Variants in PREX2 observed in about 807,000 individuals in gnomAD.
PREX2 encodes the protein phosphatidylinositol 3,4,5-trisphosphate-dependent Rac exchanger 2 protein.
PREX2 carries 107 observed loss-of-function variants against 203.2 expected under a neutral mutation model. The observed-to-expected ratio is 0.53, with a 90% CI of 0.45 to 0.62. The LOEUF is 0.62. PREX2 is among the 20% of genes least tolerant of loss of function. The pLI is 0.00. For synonymous variants in PREX2, 672 were observed against 663.6 expected (o/e 1.01, Z -0.19); for missense variants, 1,777 against 1,955.9 (o/e 0.91, Z 1.72).
chr8:68,107,409 A>C (rs1200279916), intron 23 of PREX2, among the ~76,000 whole-genome samples: 1 of 152,102 alleles, frequency 6.6e-6, no homozygotes, highest in Non-Finnish European at 1.5e-5. Flanking sequence ...CGAGGAGTAG[A>C]TGCATTTGAA....
At chr8:68,028,933 C>T (rs1226425094) in intron 5 of PREX2, among the ~76,000 whole-genome samples, 1 of 151,964 alleles carries the variant, frequency 6.6e-6, no homozygotes, top group Non-Finnish European at 1.5e-5. Context: ...TTTAGAGCCC[C>T]TTCAAGCAGT....
rs148051204 is a variant in PREX2, at chr8:68,042,352, G to A, written c.840-2135G>A. Among the ~76,000 whole-genome samples the A allele has an allele frequency of 3.2e-3, 490 of 151,926 alleles. 4 individuals are homozygous for A. Among genetic ancestry groups the A allele is most frequent in the African/African-American group, 0.011 (475 of 41,390 alleles). ...AAAGTTATGATGTAGTATTTGATAC[G>A]TATAACATGATATTGCTTAGTTTGG... On this transcript the variant is annotated intron_variant, in intron 7 of 39. Coordinates refer to ENST00000288368, the MANE Select transcript of PREX2 (RefSeq NM_024870.4).
rs1813264559 is a variant in PREX2, at chr8:68,236,373, T to C, written c.*4995T>C. On this transcript the variant is annotated 3_prime_UTR_variant, in exon 40 of 40. Coordinates refer to ENST00000288368, the MANE Select transcript of PREX2 (RefSeq NM_024870.4). ...GAAAAATGTTTTTGAGAATTCACTT[T>C]GTGCAAGGCACAGCTGTTGGGGCTG... 6.6e-6 allele frequency: 1 copy of C among 152,222 alleles called. No homozygotes were observed. Among genetic ancestry groups the C allele is most frequent in the Admixed American group, 6.5e-5 (1 of 15,274 alleles). 9.4% of individuals were successfully genotyped at this position (152,222 alleles called of 1,614,324 possible).
In PREX2 at chr8:67,962,743, A is replaced by T. The variant is rs895006940; in HGVS notation, c.141+10208A>T. 2.0e-5 allele frequency among the ~76,000 whole-genome samples: 3 copies of T among 151,440 alleles called. No individual in the cohort carries two copies. The East Asian group carries it at 5.8e-4, about 29-fold the overall frequency. On this transcript the variant is annotated intron_variant, in intron 1 of 39. Coordinates refer to ENST00000288368, the MANE Select transcript of PREX2 (RefSeq NM_024870.4). ...TGCCTCTGTCTCCCAAATAGCTGGGATTACAGGCACCTGCCACCACGCCTG... is the reference window on the plus strand; with the variant it reads ...TGCCTCTGTCTCCCAAATAGCTGGGTTTACAGGCACCTGCCACCACGCCTG...
chr8:68,104,738 G>A (rs574957312), intron 23 of PREX2, among the ~76,000 whole-genome samples: 3 of 152,264 alleles, frequency 2.0e-5, no homozygotes, highest in South Asian at 4.1e-4. Flanking sequence ...AGGAATCTTT[G>A]TTTTGTTTAC....
At chr8:68,095,618 C>CTTCCT (rs1332919064) in intron 21 of PREX2, among the ~76,000 whole-genome samples, 1 of 141,412 alleles carries the variant, frequency 7.1e-6, no homozygotes, top group Admixed American at 7.3e-5. Flanking sequence ...TCTTTCTTCC[C>CTTCCT]TTCCTTTCCT....
chr8:68,212,949 T>C (rs1171374347), intron 37 of PREX2, among the ~76,000 whole-genome samples: 1 of 152,170 alleles, frequency 6.6e-6, no homozygotes, highest in Non-Finnish European at 1.5e-5. Flanking sequence ...AGTTCCAACC[T>C]TTTTGTCCTC....
At chr8:68,227,346 G>T (rs1375709137) in intron 39 of PREX2, among the ~76,000 whole-genome samples, 1 of 152,148 alleles carries the variant, frequency 6.6e-6, no homozygotes, top group Non-Finnish European at 1.5e-5. Context: ...CAAATCTTTG[G>T]CTTGGATAAT....
intron 7 of PREX2, among the ~76,000 whole-genome samples, chr8:68,044,094 T>G (rs980307684): frequency 6.6e-6 from 1 of 152,028 alleles, no homozygotes; most frequent in Non-Finnish European, 1.5e-5. Context: ...AACTGGAAAT[T>G]ACCAGTTAGT....
intron 1 of PREX2, among the ~76,000 whole-genome samples, chr8:67,956,819 G>A (rs1349308665): frequency 6.6e-6 from 1 of 152,240 alleles, no homozygotes; most frequent in Non-Finnish European, 1.5e-5. Flanking sequence ...ATGACTTCAA[G>A]CTATGTGTCT....
rs561432995 is a variant in PREX2 at position 67,959,266 on chromosome 8, G to A, written c.141+6731G>A. The stretch of plus-strand genomic sequence containing the variant: ...ACTTGAGGGAAGTGGGGTGTGTGAA[G>A]ACTGAAGAGGTCGCTGGATCTGGCA... On this transcript the variant is annotated intron_variant, in intron 1 of 39. Coordinates refer to ENST00000288368, the MANE Select transcript of PREX2 (RefSeq NM_024870.4). Among the ~76,000 whole-genome samples the A allele has an allele frequency of 3.9e-5, 6 of 152,280 alleles. No homozygotes were observed. In the South Asian group the frequency reaches 6.2e-4, roughly 16 times the overall value.
intron 30 of PREX2, among the ~76,000 whole-genome samples, chr8:68,123,859 C>A (rs1391444941): frequency 6.6e-6 from 1 of 151,998 alleles, no homozygotes; most frequent in Non-Finnish European, 1.5e-5. Flanking sequence ...GGTACAGTTT[C>A]TATCAAAACT....
intron 33 of PREX2, among the ~76,000 whole-genome samples, chr8:68,144,804 A>G (rs949292639): frequency 6.6e-6 from 1 of 152,112 alleles, no homozygotes; most frequent in Non-Finnish European, 1.5e-5. Context: ...TTAAATTAAT[A>G]TACTTTATAA....
chr8:68,203,792 C>T (rs903320190), intron 37 of PREX2, among the ~76,000 whole-genome samples: 2 of 152,106 alleles, frequency 1.3e-5, no homozygotes, highest in African/African-American at 4.8e-5. Flanking sequence ...GTGTCAAATG[C>T]ACAAAGTTCT....
Position 68,157,415 on chromosome 8 carries a change from A to G in PREX2, c.4325A>G (p.Lys1442Arg), listed in dbSNP as rs749994460. ...AATGCAGCCTCACTGGAAAAGGTCA[A>G]ACAGTACAACCAGAAGCTCAGGTAT... ...QINAASLEKVKQYNQKLRAFY... is the reference protein window; with the variant it reads ...QINAASLEKVRQYNQKLRAFY... The change falls in exon 35 of 40, where the codon AAA (lysine) becomes AGA (arginine). Residue 1442 changes from lysine (K) to arginine (R), a missense_variant. Lys to Arg is a conservative substitution (Grantham distance 26, BLOSUM62 2). Coordinates refer to ENST00000288368, the MANE Select transcript of PREX2 (RefSeq NM_024870.4). The G allele has an allele frequency of 8.7e-6, 14 of 1,607,476 alleles. No individual in the cohort carries two copies. The highest frequency in any genetic ancestry group is 2.2e-5 in the South Asian group (2 of 90,876).
chr8:68,077,811 T>C (rs1371141941), intron 15 of PREX2, among the ~76,000 whole-genome samples: 5 of 152,236 alleles, frequency 3.3e-5, no homozygotes, highest in African/African-American at 7.2e-5. Flanking sequence ...ATTAGACTTA[T>C]GGTTTTATTT....
intron 34 of PREX2, among the ~76,000 whole-genome samples, chr8:68,152,335 G>C (rs537580320): frequency 1.4e-5 from 2 of 145,394 alleles, no homozygotes. Context: ...TTTTCCATTT[G>C]GGTTTTACAC....
chr8:68,217,662 A>G lies in PREX2; in HGVS notation c.4651A>G (p.Ser1551Gly). The change falls in exon 38 of 40, where the codon AGC becomes GGC. Residue 1551 changes from serine (S) to glycine (G), a missense_variant. Physicochemically the swap from Ser to Gly is moderately conservative, Grantham distance 56. Coordinates refer to ENST00000288368, the MANE Select transcript of PREX2 (RefSeq NM_024870.4). Reference sequence around the variant, plus strand: ...GGAGCAAGCCATCATTCTGGCCAGAAGCCACGGACTGCCACCTCGTTACAT... The same window carrying G: ...GGAGCAAGCCATCATTCTGGCCAGAGGCCACGGACTGCCACCTCGTTACAT... ...TLEQAIILARSHGLPPRYIMQ... is the reference protein window; with the variant it reads ...TLEQAIILARGHGLPPRYIMQ... 6.2e-7 allele frequency: 1 copy of G among 1,614,160 alleles called. No individual in the cohort carries two copies. The highest frequency in any genetic ancestry group is 8.5e-7 in the Non-Finnish European group (1 of 1,180,002).
In PREX2 at chr8:67,952,875, T is replaced by C. The variant is rs556224763; in HGVS notation, c.141+340T>C. On this transcript the variant is annotated intron_variant, in intron 1 of 39. Coordinates refer to ENST00000288368, the MANE Select transcript of PREX2 (RefSeq NM_024870.4). ...GCCTCCCCAGTCTGCTCAAGTGCAC[T>C]GTGTAATTGATTTTCCTTCTTGTTC... is the stretch of plus-strand genomic sequence containing the variant. Among the ~76,000 whole-genome samples the C allele has an allele frequency of 2.3e-4, 35 of 152,310 alleles. No individual in the cohort carries two copies. The South Asian group carries it at 7.2e-3, about 32-fold the overall frequency.
Sources: allele counts gnomAD v4.1 joint callset (sites outside exome capture counted in the v4.1 genomes callset), GRCh38; gene constraint gnomAD v4.1.1; transcripts MANE v1.5; gene names NCBI Gene and HGNC (gene_info 2026-07-23, HGNC 2026-07-21).